PLA2R1: variants seen among roughly 807,000 people sequenced by gnomAD.
The protein encoded by PLA2R1 is secretory phospholipase A2 receptor.
In PLA2R1, 158 loss-of-function variants were observed where a neutral mutation model predicts 195.9. The ratio of observed to expected loss-of-function variants is 0.81; its 90% CI spans 0.71 to 0.92. PLA2R1 has a LOEUF of 0.92. Among genes scored for constraint, PLA2R1 ranks in the 40% least tolerant of loss-of-function variants. The probability of loss-of-function intolerance (pLI) is 0.00; values close to 1 mark genes in which losing one functional copy is unlikely to be tolerated. For synonymous variants in PLA2R1, 586 were observed against 598.2 expected (o/e 0.98, Z 0.30); for missense variants, 1,626 against 1,764.6 (o/e 0.92, Z 1.41).
rs150331546 is a variant in PLA2R1, at chr2:159,935,117, C to T, written c.*6661G>A. On this transcript the variant is annotated 3_prime_UTR_variant, in exon 30 of 30. Transcript: ENST00000283243. ...GGGAGGATACCAAAGAAGTCATGTG[C>T]CCTTCTCAATGCCATACCAGGGGGT... 2 of 152,270 alleles carry T rather than the reference C, an allele frequency of 1.3e-5. No homozygotes were observed. The highest frequency in any genetic ancestry group is 4.8e-5 in the African/African-American group (2 of 41,534). 9.4% of individuals were successfully genotyped at this position (152,270 alleles called of 1,614,324 possible). A position where few individuals can be genotyped will look rare whatever the true frequency, so the allele number is the denominator to read the frequency against.
chr2:160,025,952 T>C (rs1224208125), intron 6 of PLA2R1, among the ~76,000 whole-genome samples: 1 of 152,204 alleles, frequency 6.6e-6, no homozygotes, highest in Non-Finnish European at 1.5e-5. Flanking sequence ...CTGTACAGCA[T>C]GAGGACTATA....
intron 13 of PLA2R1, among the ~76,000 whole-genome samples, chr2:159,983,117 T>TCTA (rs1195523996): frequency 6.6e-5 from 10 of 152,164 alleles, no homozygotes; most frequent in Non-Finnish European, 8.8e-5. Context: ...GTAGATTTGA[T>TCTA]CTGTATTTGC....
chr2:160,002,213 A>ATCATAT (rs1053215296), intron 11 of PLA2R1, among the ~76,000 whole-genome samples: 4 of 151,932 alleles, frequency 2.6e-5, no homozygotes, highest in Admixed American at 6.6e-5. Flanking sequence ...ATGGGTTGAA[A>ATCATAT]TCATATTCAT....
At chr2:159,993,141 G>A (rs1402709805) in intron 11 of PLA2R1, among the ~76,000 whole-genome samples, 1 of 151,986 alleles carries the variant, frequency 6.6e-6, no homozygotes, top group Non-Finnish European at 1.5e-5. Flanking sequence ...GTACATTTTA[G>A]TTTCTAAGCA....
At chr2:160,048,097 T>G (rs1449365419) in intron 1 of PLA2R1, among the ~76,000 whole-genome samples, 2 of 152,064 alleles carry the variant, frequency 1.3e-5, no homozygotes, top group African/African-American at 4.8e-5. Context: ...CCTCCCAAAG[T>G]GCTGGGACTA....
chr2:159,927,373 A>T (rs1340623399), downstream of PLA2R1, among the ~76,000 whole-genome samples: 1 of 152,138 alleles, frequency 6.6e-6, no homozygotes, highest in African/African-American at 2.4e-5. Context: ...CTAGCTTTTC[A>T]TAAGAATGCA....
At chr2:160,015,352 A>G (rs150336116) in intron 9 of PLA2R1, among the ~76,000 whole-genome samples, 71 of 152,318 alleles carry the variant, frequency 4.7e-4, no homozygotes, top group African/African-American at 1.6e-3. Context: ...GCAACTTTCT[A>G]AAAAAGAGAA....
At chr2:159,986,680 G>C (rs1008148216) in intron 12 of PLA2R1, among the ~76,000 whole-genome samples, 3 of 151,556 alleles carry the variant, frequency 2.0e-5, no homozygotes, top group African/African-American at 7.3e-5. Context: ...TCTGCCTCCC[G>C]GGTTCGAGCC....
At chr2:159,971,018 G>T (rs555358222) in intron 17 of PLA2R1, among the ~76,000 whole-genome samples, 3 of 152,010 alleles carry the variant, frequency 2.0e-5, no homozygotes, top group East Asian at 3.9e-4. Flanking sequence ...AGGTTGATGG[G>T]TACAGCAAAC....
chr2:159,991,609 C>T (rs4665132), intron 11 of PLA2R1, among the ~76,000 whole-genome samples: 19,387 of 112,402 alleles, frequency 0.17, 4,044 homozygotes, highest in African/African-American at 0.5. Context: ...GCTATCCCTC[C>T]CCCCTCCCCC....
intron 4 of PLA2R1, among the ~76,000 whole-genome samples, chr2:160,030,883 G>A (rs1384588657): frequency 2.0e-5 from 3 of 152,122 alleles, no homozygotes; most frequent in Non-Finnish European, 4.4e-5. Flanking sequence ...CAAAGTCCCT[G>A]ACATGTCTTA....
At chr2:160,016,954 T>C (rs1253589155) in intron 8 of PLA2R1, among the ~76,000 whole-genome samples, 2 of 152,188 alleles carry the variant, frequency 1.3e-5, no homozygotes, top group Admixed American at 6.5e-5. Flanking sequence ...GAGCAACTAT[T>C]AACAACTGGT....
intron 11 of PLA2R1, among the ~76,000 whole-genome samples, chr2:160,004,762 T>C (rs1327642880): frequency 6.6e-6 from 1 of 152,204 alleles, no homozygotes; most frequent in Non-Finnish European, 1.5e-5. Context: ...CTGAAGCTTG[T>C]TCCACAGAGA....
chr2:160,054,862 A>T (rs1272332157), intron 1 of PLA2R1, among the ~76,000 whole-genome samples: 1 of 149,396 alleles, frequency 6.7e-6, no homozygotes, highest in African/African-American at 2.5e-5. Flanking sequence ...GATAATTTCT[A>T]AAAAAAAATG....
At chr2:159,970,392 C>T (rs530603235) in intron 17 of PLA2R1, among the ~76,000 whole-genome samples, 180 bp from the exon 18 acceptor site, 1 of 152,162 alleles carries the variant, frequency 6.6e-6, no homozygotes, top group Admixed American at 6.5e-5. Flanking sequence ...TAAAATATTC[C>T]CCCCATTACG....
chr2:160,016,347 T>G (rs989097128), intron 9 of PLA2R1, among the ~76,000 whole-genome samples: 1 of 151,204 alleles, frequency 6.6e-6, no homozygotes, highest in African/African-American at 2.4e-5. Flanking sequence ...CATCACAGGA[T>G]AGTCACTGTA....
chr2:160,025,417 AAATT>A (rs1693433939), intron 6 of PLA2R1, among the ~76,000 whole-genome samples: 1 of 152,082 alleles, frequency 6.6e-6, no homozygotes, highest in Non-Finnish European at 1.5e-5. Context: ...TAGCTACAAT[AAATT>A]AAGAAATGCA....
chr2:159,981,443 G>A (rs897111425), intron 13 of PLA2R1, among the ~76,000 whole-genome samples: 3 of 151,874 alleles, frequency 2.0e-5, no homozygotes, highest in Non-Finnish European at 2.9e-5. Flanking sequence ...TCACACTGTC[G>A]CCCAGGTTGG....
At chr2:160,041,075 T>C (rs1694491884) in intron 3 of PLA2R1, among the ~76,000 whole-genome samples, 1 of 152,216 alleles carries the variant, frequency 6.6e-6, no homozygotes, top group Non-Finnish European at 1.5e-5. Context: ...GTGTGATTAT[T>C]TCAAAGCTTA....
Sources: gnomAD v4.1 joint callset for allele counts (sites outside exome capture counted in the v4.1 genomes callset) on GRCh38, gnomAD v4.1.1 for gene constraint, MANE v1.5 for transcripts, NCBI Gene and HGNC (gene_info 2026-07-23, HGNC 2026-07-21) for gene names.